SEC24C: variants seen among roughly 807,000 people sequenced by gnomAD.
SEC24C encodes protein transport protein Sec24C.
Under a neutral mutation model 117.0 loss-of-function variants are expected in SEC24C, and 22 were observed. The ratio of observed to expected loss-of-function variants is 0.19; its 90% CI spans 0.13 to 0.27. SEC24C has a LOEUF of 0.27. Among genes scored for constraint, SEC24C ranks in the 10% least tolerant of loss-of-function variants. The pLI is 1.00. For synonymous variants in SEC24C, 506 were observed against 529.4 expected (o/e 0.96, Z 0.61); for missense variants, 1,155 against 1,375.1 (o/e 0.84, Z 2.53).
At chr10:73,753,970 TA>T (rs1181024591) in intron 3 of SEC24C, among the ~76,000 whole-genome samples, 1 of 152,166 alleles carries the variant, frequency 6.6e-6, no homozygotes, top group African/African-American at 2.4e-5. Flanking sequence ...TTTTTTTTTT[TA>T]AGTTCATTAC....
Position 73,769,463 on chromosome 10 carries a change from C to T in SEC24C, c.2541C>T (p.Leu847=), listed in dbSNP as rs2082939265. The T allele has an allele frequency of 6.2e-7, 1 of 1,614,138 alleles. No individual in the cohort carries two copies. Among genetic ancestry groups the T allele is most frequent in the South Asian group, 1.1e-5 (1 of 91,064 alleles). The stretch of plus-strand genomic sequence containing the variant: ...ATCGAAACTGTGAGACTGACACGCT[C>T]ATCAACTACATGGCCAAGTTTGGTG... ...DLYRNCETDT[L]INYMAKFAYR... Residue 847 remains leucine (L), a synonymous_variant, in exon 18 of 23, where the codon CTC becomes CTT. Transcript: ENST00000345254. This position sits in a 1 kb window ranked among gnomAD's most constrained non-coding sequence, Gnocchi z 4.5.
chr10:73,767,960 G>A lies in SEC24C; in HGVS notation c.2134G>A (p.Val712Met). The A allele has an allele frequency of 6.2e-7, 1 of 1,613,372 alleles. No homozygotes were observed. The highest frequency in any genetic ancestry group is 8.5e-7 in the Non-Finnish European group (1 of 1,179,846). The change falls in exon 15 of 23, where the codon GTG becomes ATG. Residue 712 changes from valine to methionine, a missense_variant. Around this residue, in one of 2 missense-constraint regions of SEC24C, gnomAD observed 759 missense variants for 992.3 expected, o/e 0.76. Coordinates refer to ENST00000345254, the MANE Select transcript of SEC24C (RefSeq NM_198597.3). ...QYVDVATLSV[V>M]PQLTGGSVYK... Reference sequence around the variant, plus strand: ...TGTGGATGTGGCCACACTCTCTGTTGTGCCCCAGCTCACTGGTGGCTCTGT... The same window carrying A: ...TGTGGATGTGGCCACACTCTCTGTTATGCCCCAGCTCACTGGTGGCTCTGT...
At chr10:73,746,696 A>G (rs1391370929) in intron 1 of SEC24C, 109 bp from the exon 2 acceptor site, 1 of 661,782 alleles carries the variant, frequency 1.5e-6, no homozygotes, top group Non-Finnish European at 2.4e-6. Flanking sequence ...AGGATTATTA[A>G]ACTGATCACT....
At chr10:73,750,189 T>G (rs2082623938) in intron 2 of SEC24C, among the ~76,000 whole-genome samples, 1 of 152,330 alleles carries the variant, frequency 6.6e-6, no homozygotes. Context: ...TGAGAAAGCT[T>G]TGTTAGAGGA....
At chr10:73,763,667 C>CTT (rs71021569) in intron 7 of SEC24C, 66 bp downstream of exon 7, 1,079 of 60,252 alleles carry the variant, frequency 0.018, 103 homozygotes, top group African/African-American at 0.076. Context: ...ATGGTTGGGG[C>CTT]TTTTTTTTTT....
In SEC24C at chr10:73,765,795, C is replaced by T. The variant is rs752803726; in HGVS notation, c.1367-5C>T. 3 of 1,612,500 alleles carry T rather than the reference C, an allele frequency of 1.9e-6. No individual in the cohort carries two copies. Among genetic ancestry groups the T allele is most frequent in the South Asian group, 1.1e-5 (1 of 91,032 alleles). ...TCGAGTAACACACTGCCATGCTTCC[C>T]ACAGTTCCCCCCCAGTATTTTCAGC... On this transcript the variant is annotated splice_region_variant and splice_polypyrimidine_tract_variant and intron_variant, in intron 9 of 22. Coordinates refer to ENST00000345254, the MANE Select transcript of SEC24C (RefSeq NM_198597.3).
chr10:73,757,715 A>G (rs2082731564), intron 3 of SEC24C, among the ~76,000 whole-genome samples: 3 of 151,476 alleles, frequency 2.0e-5, no homozygotes, highest in Non-Finnish European at 4.4e-5. Flanking sequence ...GTTCAAGACT[A>G]TCCTGGGCAG....
intron 6 of SEC24C, among the ~76,000 whole-genome samples, chr10:73,763,221 G>T (rs1273786370): frequency 2.0e-5 from 3 of 150,070 alleles, no homozygotes; most frequent in Non-Finnish European, 2.9e-5. Flanking sequence ...ACCATTGATG[G>T]GGGGTAGGGG....
At chr10:73,763,667 C>CTTGCT (rs2082832062) in intron 7 of SEC24C, 66 bp downstream of exon 7, 1 of 58,202 alleles carries the variant, frequency 1.7e-5, no homozygotes, top group African/African-American at 1.2e-4. Context: ...ATGGTTGGGG[C>CTTGCT]TTTTTTTTTT....
At chr10:73,762,053 C>T in intron 6 of SEC24C, 1 of 1,237,442 alleles carries the variant, frequency 8.1e-7, no homozygotes, top group Non-Finnish European at 1.1e-6. Context: ...CTTTTGTCTC[C>T]CTCCTTGTAT....
chr10:73,746,174 A>AAC (rs1440382792), intron 1 of SEC24C, among the ~76,000 whole-genome samples: 79 of 151,884 alleles, frequency 5.2e-4, no homozygotes, highest in Middle Eastern at 6.8e-3. Flanking sequence ...AAAAAAAAAA[A>AAC]AAAAAAAACC....
chr10:73,768,339 T>A (rs2082917776), intron 15 of SEC24C, among the ~76,000 whole-genome samples: 1 of 152,154 alleles, frequency 6.6e-6, no homozygotes, highest in Non-Finnish European at 1.5e-5. Context: ...ATTGCGCCAC[T>A]GCACTCCAGC....
intron 6 of SEC24C, among the ~76,000 whole-genome samples, chr10:73,762,625 C>T (rs1319459553): frequency 2.0e-5 from 3 of 152,198 alleles, no homozygotes; most frequent in Non-Finnish European, 2.9e-5. Flanking sequence ...GAAGGGACTG[C>T]TGGTTTGGGA....
At chr10:73,755,673 C>T (rs1012326000) in intron 3 of SEC24C, among the ~76,000 whole-genome samples, 4 of 150,810 alleles carry the variant, frequency 2.7e-5, no homozygotes, top group Admixed American at 1.3e-4. Context: ...AGCGAGACTC[C>T]GTCTCAGGAA....
At chr10:73,755,607 G>T (rs2082698634) in intron 3 of SEC24C, among the ~76,000 whole-genome samples, 1 of 151,734 alleles carries the variant, frequency 6.6e-6, no homozygotes, top group Non-Finnish European at 1.5e-5. Context: ...AACCCAGGAG[G>T]CAGAGCTTGC....
At chr10:73,748,327 G>A (rs2082592372) in intron 2 of SEC24C, among the ~76,000 whole-genome samples, 1 of 151,712 alleles carries the variant, frequency 6.6e-6, no homozygotes, top group African/African-American at 2.4e-5. Context: ...TAGAGACAGT[G>A]TTACACCATG....
At position 73,763,567 on chromosome 10, in the gene SEC24C, C is replaced by T; in HGVS notation, c.1065C>T (p.Pro355=). ...CTGGAGTACGGGGCCAGGTGCCACC[C>T]TTAGTCACTACCAACTTCCTGGTGA... The part of the protein sequence containing the change: ...FVTGVRGQVP[P]LVTTNFLVKD... Residue 355 remains proline, a synonymous_variant, in exon 7 of 23, where the codon CCC becomes CCT. Transcript: ENST00000345254. The T allele has an allele frequency of 6.2e-7, 1 of 1,610,606 alleles. No homozygotes were observed. The highest frequency in any genetic ancestry group is 8.5e-7 in the Non-Finnish European group (1 of 1,178,200).
chr10:73,756,977 C>T (rs2082719134), intron 3 of SEC24C, among the ~76,000 whole-genome samples: 1 of 127,858 alleles, frequency 7.8e-6, no homozygotes, highest in Non-Finnish European at 1.6e-5. Flanking sequence ...GTGGTGTGAC[C>T]TTGGCTCACT....
intron 5 of SEC24C, 101 bp downstream of exon 5, chr10:73,760,487 T>C: frequency 7.1e-7 from 1 of 1,403,236 alleles, no homozygotes; most frequent in South Asian, 1.4e-5. Context: ...ACTTGCTAAG[T>C]GGTGAATTAG....
Sources: allele counts gnomAD v4.1 joint callset (sites outside exome capture counted in the v4.1 genomes callset), GRCh38; gene constraint gnomAD v4.1.1; regional missense constraint gnomAD v4.1.1; non-coding constraint Gnocchi (gnomAD v3.1); transcripts MANE v1.5; gene names NCBI Gene and HGNC (gene_info 2026-07-23, HGNC 2026-07-21).